The following ADAMTSL3 variants were observed in gnomAD, a reference collection of about 807,000 sequenced individuals.
ADAMTSL3 encodes the protein ADAMTS-like protein 3.
ADAMTSL3 carries 128 observed loss-of-function variants against 201.7 expected under a neutral mutation model. The observed-to-expected ratio is 0.63, with a 90% CI of 0.55 to 0.73. The LOEUF (loss-of-function observed/expected upper bound fraction) is 0.73. Ranked by LOEUF, ADAMTSL3 falls within the 30% of genes least tolerant of loss-of-function variation. ADAMTSL3 has a pLI of 0.00. For missense variants in ADAMTSL3, 1,990 were observed against 2,119.6 expected (o/e 0.94, Z 1.20); for synonymous variants, 738 against 748.4 (o/e 0.99, Z 0.23).
At chr15:83,829,469 A>G (rs1156759949) in intron 6 of ADAMTSL3, among the ~76,000 whole-genome samples, 1 of 152,204 alleles carries the variant, frequency 6.6e-6, no homozygotes, top group East Asian at 1.9e-4. Context: ...GATCTTTTCA[A>G]AAAACCAGCT....
intron 21 of ADAMTSL3, 96 bp downstream of exon 21, chr15:83,983,440 A>G (rs1246589854): frequency 2.2e-6 from 2 of 927,016 alleles, no homozygotes; most frequent in Non-Finnish European, 3.1e-6. Context: ...TCTCCTAAGC[A>G]TGTGTTTCCA....
At chr15:84,027,116 A>C (rs951341745) in intron 27 of ADAMTSL3, among the ~76,000 whole-genome samples, 13 of 152,248 alleles carry the variant, frequency 8.5e-5, no homozygotes, top group African/African-American at 3.1e-4. Context: ...CAAATGGCCA[A>C]TAAGCACACG....
At chr15:83,932,454 C>T (rs1249669842) in intron 17 of ADAMTSL3, among the ~76,000 whole-genome samples, 1 of 152,080 alleles carries the variant, frequency 6.6e-6, no homozygotes, top group African/African-American at 2.4e-5. Flanking sequence ...AGTCCTTAGA[C>T]CTTCAGAAAG....
At chr15:83,710,485 C>T (rs916766591) in intron 3 of ADAMTSL3, among the ~76,000 whole-genome samples, 3 of 152,130 alleles carry the variant, frequency 2.0e-5, no homozygotes, top group African/African-American at 7.2e-5. Context: ...CCCCCACCAC[C>T]TTCAACAGGC....
intron 2 of ADAMTSL3, among the ~76,000 whole-genome samples, chr15:83,684,107 C>T (rs1214338189): frequency 6.6e-6 from 1 of 152,286 alleles, no homozygotes. Context: ...TCAAGGATAA[C>T]ATTAATTTAT....
intron 2 of ADAMTSL3, among the ~76,000 whole-genome samples, chr15:83,692,451 C>T (rs1596035221): frequency 1.3e-5 from 2 of 151,798 alleles, no homozygotes; most frequent in Admixed American, 6.6e-5. Context: ...TTTGGGAGGC[C>T]GAGGTGGGCG....
intron 22 of ADAMTSL3, among the ~76,000 whole-genome samples, chr15:83,990,456 C>A (rs1440997412): frequency 6.6e-6 from 1 of 152,186 alleles, no homozygotes; most frequent in Non-Finnish European, 1.5e-5. Context: ...TCATCTTGTA[C>A]CCAGGTATTT....
intron 15 of ADAMTSL3, among the ~76,000 whole-genome samples, chr15:83,903,452 G>A (rs2065766795): frequency 6.6e-6 from 1 of 151,926 alleles, no homozygotes; most frequent in African/African-American, 2.4e-5. Flanking sequence ...CTAGACTCTA[G>A]TAACCTCTAT....
intron 15 of ADAMTSL3, among the ~76,000 whole-genome samples, chr15:83,906,823 T>A (rs72748604): frequency 0.12 from 18,801 of 152,158 alleles, 1,336 homozygotes; most frequent in East Asian, 0.35. Context: ...ACCTGCTTTT[T>A]TGCTCTTCCA....
intron 19 of ADAMTSL3, among the ~76,000 whole-genome samples, chr15:83,950,016 G>A (rs895341906): frequency 2.0e-5 from 3 of 151,970 alleles, no homozygotes; most frequent in African/African-American, 7.2e-5. Flanking sequence ...TTAACTTCAT[G>A]TGATCCCATT....
intron 2 of ADAMTSL3, among the ~76,000 whole-genome samples, chr15:83,669,429 C>G (rs1482870437): frequency 6.7e-6 from 1 of 148,734 alleles, no homozygotes; most frequent in East Asian, 2.0e-4. Context: ...CAGGCGTGAG[C>G]CACTGCACCT....
chr15:83,879,960 TC>T (rs2141852298), intron 9 of ADAMTSL3, among the ~76,000 whole-genome samples: 1 of 152,314 alleles, frequency 6.6e-6, no homozygotes, highest in South Asian at 2.1e-4. Flanking sequence ...TGAGGATATC[TC>T]CCCATTGTCT....
intron 2 of ADAMTSL3, among the ~76,000 whole-genome samples, chr15:83,673,021 T>A (rs368522189): frequency 2.0e-5 from 3 of 152,220 alleles, no homozygotes; most frequent in African/African-American, 7.2e-5. Context: ...AAATCCTTTC[T>A]GGGATGCATT....
chr15:83,798,396 AT>A, intron 4 of ADAMTSL3, among the ~76,000 whole-genome samples: 1 of 152,318 alleles, frequency 6.6e-6, no homozygotes, highest in Non-Finnish European at 1.5e-5. Flanking sequence ...AATTGAGAGA[AT>A]AATAGTTTCT....
intron 4 of ADAMTSL3, among the ~76,000 whole-genome samples, chr15:83,785,795 T>C (rs1351735062): frequency 6.6e-6 from 1 of 151,054 alleles, no homozygotes; most frequent in African/African-American, 2.4e-5. Context: ...ACTTTCCTCT[T>C]TTTTTTTTCT....
At chr15:83,673,171 T>G (rs1456425065) in intron 2 of ADAMTSL3, among the ~76,000 whole-genome samples, 2 of 152,248 alleles carry the variant, frequency 1.3e-5, no homozygotes, top group Non-Finnish European at 2.9e-5. Context: ...AGGTGGTGCC[T>G]TCTATGCACC....
At chr15:83,701,525 C>T (rs763850433) in intron 2 of ADAMTSL3, among the ~76,000 whole-genome samples, 89 of 152,198 alleles carry the variant, frequency 5.8e-4, no homozygotes, top group Non-Finnish European at 5.6e-4. Flanking sequence ...ATTGTGCTCT[C>T]ATAATTCCCA....
intron 2 of ADAMTSL3, among the ~76,000 whole-genome samples, chr15:83,684,889 C>T (rs778129421): frequency 6.6e-6 from 1 of 152,158 alleles, no homozygotes; most frequent in African/African-American, 2.4e-5. Context: ...GGAAATGATA[C>T]ACCCATCTTG....
intron 26 of ADAMTSL3, among the ~76,000 whole-genome samples, chr15:84,024,340 A>C (rs776324688): frequency 7.2e-5 from 11 of 152,214 alleles, no homozygotes; most frequent in Non-Finnish European, 1.5e-4. Flanking sequence ...TTGTGCTTTA[A>C]TTTTAATATG....
Sources: allele counts gnomAD v4.1 joint callset (sites outside exome capture counted in the v4.1 genomes callset), GRCh38; gene constraint gnomAD v4.1.1; transcripts MANE v1.5; gene names NCBI Gene and HGNC (gene_info 2026-07-23, HGNC 2026-07-21).